The following MRPS27 variants were observed in gnomAD, a reference collection of about 807,000 sequenced individuals.
MRPS27 encodes mitochondrial ribosomal protein S27.
A neutral mutation model predicts 48.9 loss-of-function variants in MRPS27; 43 were observed. That is an observed-to-expected ratio of 0.88 (90% confidence interval 0.69 to 1.13). The LOEUF (loss-of-function observed/expected upper bound fraction) is 1.13. Among genes scored for constraint, MRPS27 ranks in the 50% most tolerant of loss-of-function variants. MRPS27 has a pLI of 0.00. For missense variants in MRPS27, 467 were observed against 476.3 expected, an observed-to-expected ratio of 0.98 and a Z score of 0.18; for synonymous variants, 188 against 171.9, an observed-to-expected ratio of 1.09 and a Z score of -0.73.
At chr5:72,299,074 T>C (rs1478147943) in intron 2 of MRPS27, among the ~76,000 whole-genome samples, 5 of 152,016 alleles carry the variant, frequency 3.3e-5, no homozygotes, top group Non-Finnish European at 4.4e-5. Flanking sequence ...GCACTGGGTA[T>C]ACACGGACAT....
In MRPS27 at chr5:72,243,358, G is replaced by A. The variant is rs75860981; in HGVS notation, c.282-5230C>T. The stretch of plus-strand genomic sequence containing the variant: ...TCATTATTTTCTTTTTCATCCTGCT[G>A]GAAATTCTGCTTTCAGAATTGTTAA... On this transcript the variant is annotated intron_variant, in intron 4 of 10. Transcript: ENST00000261413. Among the ~76,000 whole-genome samples, 776 of 152,096 alleles carry A rather than the reference G, an allele frequency of 5.1e-3. 3 individuals are homozygous for A. The highest frequency in any genetic ancestry group is 0.018 in the African/African-American group (746 of 41,492).
chr5:72,234,932 C>A (rs1748161903), intron 5 of MRPS27, among the ~76,000 whole-genome samples: 1 of 152,076 alleles, frequency 6.6e-6, no homozygotes, highest in Admixed American at 6.6e-5. Context: ...GTTTCAAATT[C>A]TTCAGTAATG....
chr5:72,220,855 G>A lies in MRPS27; in HGVS notation c.*54C>T. On this transcript the variant is annotated 3_prime_UTR_variant, in exon 11 of 11. Transcript: ENST00000261413. ...GTTGTCCAGGCCACTGCTGAGTCCTGGCACGGGGTTGAGTGAAGTTCTTGT... is the reference window on the plus strand; with the variant it reads ...GTTGTCCAGGCCACTGCTGAGTCCTAGCACGGGGTTGAGTGAAGTTCTTGT... 3 of 1,605,012 alleles carry A rather than the reference G, an allele frequency of 1.9e-6. No individual in the cohort carries two copies. The South Asian group carries it at 3.4e-5, about 18-fold the overall frequency.
intron 5 of MRPS27, among the ~76,000 whole-genome samples, chr5:72,237,131 T>C (rs1748216878): frequency 6.6e-6 from 1 of 152,054 alleles, no homozygotes; most frequent in Non-Finnish European, 1.5e-5. Context: ...TACAGGCATG[T>C]GCCACGGTGC....
rs1156347794 is a variant in MRPS27 at position 72,320,142 on chromosome 5, G to C, written c.73+7C>G. Reference sequence around the variant, plus strand: ...AATCAGGGGCCTAATGAAGCTGTCCGGCCAACCTGCAGGAGAGAGCTGAGG... The same window carrying C: ...AATCAGGGGCCTAATGAAGCTGTCCCGCCAACCTGCAGGAGAGAGCTGAGG... On this transcript the variant is annotated splice_region_variant and intron_variant, in intron 1 of 10. Coordinates refer to ENST00000261413, the MANE Select transcript of MRPS27 (RefSeq NM_015084.3). The C allele has an allele frequency of 3.1e-6, 5 of 1,613,568 alleles. No individual in the cohort carries two copies. Among genetic ancestry groups the C allele is most frequent in the Admixed American group, 3.3e-5 (2 of 60,000 alleles).
intron 4 of MRPS27, among the ~76,000 whole-genome samples, chr5:72,246,095 A>G (rs1403636945): frequency 1.3e-5 from 2 of 152,238 alleles, no homozygotes; most frequent in African/African-American, 4.8e-5. Flanking sequence ...TTTTGCGTCT[A>G]CAAACAAGTG....
rs760496112 is a variant in MRPS27 at position 72,297,720 on chromosome 5, G to GA, written c.152-19dup. On this transcript the variant is annotated intron_variant, in intron 2 of 10. Transcript: ENST00000261413. ...AAGATCAGCTGTGAAGACAAAAAAA[G>GA]AAAAAAAACCTTGTTAAAGATACAT... 6.2e-5 allele frequency: 94 copies of GA among 1,509,800 alleles called. No homozygotes were observed. The highest frequency in any genetic ancestry group is 3.1e-4 in the East Asian group (13 of 42,420). The allele number at this position is 1,509,800 out of a possible 1,614,324, so 93.5% of individuals were successfully genotyped here.
intron 1 of MRPS27, among the ~76,000 whole-genome samples, chr5:72,318,696 A>G (rs1040974423): frequency 2.0e-5 from 3 of 151,260 alleles, no homozygotes; most frequent in Non-Finnish European, 2.9e-5. Flanking sequence ...CGGGAGGCTG[A>G]GGCAGGAGAA....
At chr5:72,282,380 T>C (rs1301511932) in intron 4 of MRPS27, among the ~76,000 whole-genome samples, 2 of 152,226 alleles carry the variant, frequency 1.3e-5, no homozygotes, top group Non-Finnish European at 2.9e-5. Context: ...CAAACTGCGT[T>C]ACACTTAAAA....
rs1262882175 is a variant in MRPS27, at chr5:72,317,220, C to CAGATAA, written c.73+2928_73+2929insTTATCT. On this transcript the variant is annotated intron_variant, in intron 1 of 10. Coordinates refer to ENST00000261413, the MANE Select transcript of MRPS27 (RefSeq NM_015084.3). Reference sequence around the variant, plus strand: ...AAACACATCTGTGTGAATTTATACACAGTTCATTCTCTTACTGTGAACACA... The same window carrying CAGATAA: ...AAACACATCTGTGTGAATTTATACACAGATAAAGTTCATTCTCTTACTGTGAACACA... 2.0e-5 allele frequency among the ~76,000 whole-genome samples: 3 copies of CAGATAA among 152,162 alleles called. No individual in the cohort carries two copies. In the East Asian group the frequency reaches 5.8e-4, roughly 29 times the overall value.
At chr5:72,301,443 A>G (rs902863557) in intron 2 of MRPS27, among the ~76,000 whole-genome samples, 2 of 152,228 alleles carry the variant, frequency 1.3e-5, no homozygotes, top group African/African-American at 4.8e-5. Context: ...GATGAGAGGC[A>G]ATATGAGAAA....
chr5:72,221,594 A>G (rs1029872179), intron 10 of MRPS27, among the ~76,000 whole-genome samples: 4 of 152,366 alleles, frequency 2.6e-5, no homozygotes, highest in African/African-American at 7.2e-5. Context: ...AACACCAAAA[A>G]TAAGAATTCT....
chr5:72,241,439 C>A, intron 4 of MRPS27: 2 of 540,542 alleles, frequency 3.7e-6, no homozygotes, highest in Admixed American at 6.6e-5. Flanking sequence ...TGGCCCCCAT[C>A]AGCATTAAAA....
At chr5:72,271,372 A>G (rs1248310563) in intron 4 of MRPS27, among the ~76,000 whole-genome samples, 3 of 152,262 alleles carry the variant, frequency 2.0e-5, no homozygotes, top group African/African-American at 7.2e-5. Flanking sequence ...TTCACAAATA[A>G]TAACATCAAT....
At chr5:72,240,411 C>T (rs991971932) in intron 4 of MRPS27, among the ~76,000 whole-genome samples, 7 of 151,724 alleles carry the variant, frequency 4.6e-5, no homozygotes, top group Admixed American at 2.0e-4. Context: ...AGAAACAAAA[C>T]GAAATATAAT....
At chr5:72,269,083 C>A (rs1055180449) in intron 4 of MRPS27, among the ~76,000 whole-genome samples, 2 of 152,172 alleles carry the variant, frequency 1.3e-5, no homozygotes, top group Non-Finnish European at 2.9e-5. Flanking sequence ...ACATTATTTG[C>A]AGGGTGCAGT....
At chr5:72,245,025 G>A (rs1049635111) in intron 4 of MRPS27, among the ~76,000 whole-genome samples, 5 of 151,878 alleles carry the variant, frequency 3.3e-5, no homozygotes, top group African/African-American at 1.2e-4. Context: ...CTTGTGGGGA[G>A]AATGGGAGAA....
chr5:72,222,230 T>G (rs193297495), intron 10 of MRPS27, among the ~76,000 whole-genome samples: 1 of 152,204 alleles, frequency 6.6e-6, no homozygotes, highest in Non-Finnish European at 1.5e-5. Context: ...ACGCTCTCCA[T>G]GTGGGGTTTG....
Position 72,238,041 on chromosome 5 carries a change from G to A in MRPS27, c.369C>T (p.Asp123=). 6.2e-7 allele frequency: 1 copy of A among 1,613,232 alleles called. No individual in the cohort carries two copies. The highest frequency in any genetic ancestry group is 1.3e-5 in the African/African-American group (1 of 74,996). ...IRQCLKYDAQ[D]KALYTLVNKV... The stretch of plus-strand genomic sequence containing the variant: ...TATTTACAAGGGTATATAGGGCTTT[G>A]TCTTGTGCATCATATTTTAGACACT... Residue 123 remains aspartate, a synonymous_variant, in exon 5 of 11, where the codon GAC becomes GAT. Coordinates refer to ENST00000261413, the MANE Select transcript of MRPS27 (RefSeq NM_015084.3).
Sources: gnomAD v4.1 joint callset for allele counts (sites outside exome capture counted in the v4.1 genomes callset) on GRCh38, gnomAD v4.1.1 for gene constraint, MANE v1.5 for transcripts, NCBI Gene and HGNC (gene_info 2026-07-23, HGNC 2026-07-21) for gene names.